CD47: variants seen among roughly 807,000 people sequenced by gnomAD.
CD47 encodes the protein leukocyte surface antigen CD47.
In CD47, 11 loss-of-function variants were observed where a neutral mutation model predicts 44.6. That is an observed-to-expected ratio of 0.25 (90% CI 0.16 to 0.41). The LOEUF is 0.41. Among genes scored for constraint, CD47 ranks in the 10% least tolerant of loss-of-function variants. The pLI is 1.00. For missense variants in CD47, 306 were observed against 386.7 expected (o/e 0.79, Z 1.75); for synonymous variants, 140 against 136.3 (o/e 1.03, Z -0.19).
Position 108,046,719 on chromosome 3 carries a change from T to C in CD47, c.*569A>G, listed in dbSNP as rs1204125494. 1 of 152,222 alleles carries C rather than the reference T, an allele frequency of 6.6e-6. No homozygotes were observed. Among genetic ancestry groups the C allele is most frequent in the East Asian group, 1.9e-4 (1 of 5,202 alleles). 9.4% of individuals were successfully genotyped at this position (152,222 alleles called of 1,614,324 possible). A position where few individuals can be genotyped will look rare whatever the true frequency, so the allele number is the denominator to read the frequency against. On this transcript the variant is annotated 3_prime_UTR_variant, in exon 11 of 11. Coordinates refer to ENST00000361309, the MANE Select transcript of CD47 (RefSeq NM_001777.4). Reference sequence around the variant, plus strand: ...CACTATCTCCATCAATATCACATCATACGGAGATCATACAAGATGCTCCCA... The same window carrying C: ...CACTATCTCCATCAATATCACATCACACGGAGATCATACAAGATGCTCCCA...
chr3:108,077,939 G>A (rs2079339645), intron 2 of CD47, among the ~76,000 whole-genome samples: 1 of 152,080 alleles, frequency 6.6e-6, no homozygotes, highest in Admixed American at 6.5e-5. Context: ...ATAAGCATGA[G>A]GGAGATGTTT....
intron 3 of CD47, among the ~76,000 whole-genome samples, chr3:108,064,246 C>T (rs547997940): frequency 1.3e-5 from 2 of 152,268 alleles, no homozygotes; most frequent in African/African-American, 2.4e-5. Context: ...CCCTTACATT[C>T]TAATGGGTGA....
intron 2 of CD47, among the ~76,000 whole-genome samples, chr3:108,072,507 CAT>C (rs1275762262): frequency 2.0e-5 from 3 of 152,204 alleles, no homozygotes; most frequent in African/African-American, 7.2e-5. Context: ...GTAGAGACTC[CAT>C]ATGTTTGCTG....
chr3:108,090,909 C>T lies in CD47; in HGVS notation c.-1G>A. 1 of 1,475,672 alleles carries T rather than the reference C, an allele frequency of 6.8e-7. No individual in the cohort carries two copies. Among genetic ancestry groups the T allele is most frequent in the East Asian group, 2.9e-5 (1 of 34,260 alleles). The allele number at this position is 1,475,672 out of a possible 1,614,324, so 91.4% of individuals were successfully genotyped here. The stretch of plus-strand genomic sequence containing the variant: ...ACAGCGCCGCTACCAGGGGCCACAT[C>T]TCCGCGCCCGCCGCGGGGTCGCCGC... On this transcript the variant is annotated 5_prime_UTR_variant, in exon 1 of 11. Coordinates refer to ENST00000361309, the MANE Select transcript of CD47 (RefSeq NM_001777.4).
At chr3:108,077,025 T>C (rs1019384131) in intron 2 of CD47, among the ~76,000 whole-genome samples, 7 of 152,140 alleles carry the variant, frequency 4.6e-5, no homozygotes, top group South Asian at 2.1e-4. Context: ...ATATCATACA[T>C]AGGCACAGAG....
chr3:108,061,824 A>G (rs2079020540), intron 3 of CD47, among the ~76,000 whole-genome samples: 1 of 152,228 alleles, frequency 6.6e-6, no homozygotes, highest in Non-Finnish European at 1.5e-5. Flanking sequence ...AGTCTCCATG[A>G]CAGTAATCAA....
chr3:108,081,496 A>T (rs1256306038), intron 1 of CD47, among the ~76,000 whole-genome samples: 1 of 152,046 alleles, frequency 6.6e-6, no homozygotes, highest in Non-Finnish European at 1.5e-5. Context: ...TATTGTAAGA[A>T]CACTATGTTT....
rs2078712141 is a variant in CD47, at chr3:108,045,761, T to C, written c.*1527A>G. 1 of 152,460 alleles carries C rather than the reference T, an allele frequency of 6.6e-6. No individual in the cohort carries two copies. The highest frequency in any genetic ancestry group is 1.5e-5 in the Non-Finnish European group (1 of 68,020). The allele number at this position is 152,460 out of a possible 1,614,324, so 9.4% of individuals were successfully genotyped here. ...ATTAATGCAACTACAAATATGAATATCTTATTACACAAACAGGAAGAATTA... is the reference window on the plus strand; with the variant it reads ...ATTAATGCAACTACAAATATGAATACCTTATTACACAAACAGGAAGAATTA... On this transcript the variant is annotated 3_prime_UTR_variant, in exon 11 of 11. Transcript: ENST00000361309.
chr3:108,056,951 G>A, intron 7 of CD47, among the ~76,000 whole-genome samples: 1 of 152,076 alleles, frequency 6.6e-6, no homozygotes, highest in Non-Finnish European at 1.5e-5. Context: ...TCATGCATTA[G>A]AGGTCACTGC....
intron 8 of CD47, among the ~76,000 whole-genome samples, chr3:108,051,057 T>C (rs1467870610): frequency 1.3e-5 from 2 of 152,220 alleles, no homozygotes; most frequent in Non-Finnish European, 2.9e-5. Context: ...GTGACCAACA[T>C]AGCTATGGCA....
chr3:108,050,546 G>A (rs1191845599), intron 9 of CD47, 32 bp downstream of exon 9: 1 of 1,090,758 alleles, frequency 9.2e-7, no homozygotes, highest in Non-Finnish European at 1.4e-6. Flanking sequence ...ATTATGATCT[G>A]GTAAAGGATT....
At chr3:108,081,930 A>C (rs550112329) in intron 1 of CD47, among the ~76,000 whole-genome samples, 1 of 152,022 alleles carries the variant, frequency 6.6e-6, no homozygotes, top group East Asian at 1.9e-4. Context: ...ACCTCTTCCC[A>C]GTTTTCTACA....
At chr3:108,057,626 A>G in intron 6 of CD47, 57 bp from the exon 7 acceptor site, 3 of 869,792 alleles carry the variant, frequency 3.4e-6, no homozygotes, top group Non-Finnish European at 5.7e-6. Flanking sequence ...CTTACTAAAA[A>G]ACAGTAATAA....
rs115840296 is a variant in CD47 at position 108,079,932 on chromosome 3, G to A, written c.400+59C>T. 3,101 of 1,177,888 alleles carry A rather than the reference G, an allele frequency of 2.6e-3. 55 individuals are homozygous for A. In the African/African-American group the frequency reaches 0.04, roughly 15 times the overall value. The allele number at this position is 1,177,888 out of a possible 1,614,324, so 73.0% of individuals were successfully genotyped here. ...ACCTATCCCCATTTGGCCTCCTCTC[G>A]AAAGAGGATCAGGTTGCACCAGGAC... On this transcript the variant is annotated intron_variant, in intron 2 of 10. Transcript: ENST00000361309.
At chr3:108,058,293 T>A in intron 6 of CD47, 44 bp downstream of exon 6, 2 of 1,131,578 alleles carry the variant, frequency 1.8e-6, no homozygotes. Context: ...AAGAGCTCTG[T>A]CCAAAAGTAA....
intron 1 of CD47, among the ~76,000 whole-genome samples, chr3:108,086,675 A>G (rs2079527875): frequency 6.6e-6 from 1 of 152,180 alleles, no homozygotes; most frequent in African/African-American, 2.4e-5. Context: ...GAAAGCAGAG[A>G]AGGCAACAAC....
Position 108,082,719 on chromosome 3 carries a change from CAT to C in CD47, c.47-2377_47-2376del, listed in dbSNP as rs370871592. On this transcript the variant is annotated intron_variant, in intron 1 of 10. Coordinates refer to ENST00000361309, the MANE Select transcript of CD47 (RefSeq NM_001777.4). The stretch of plus-strand genomic sequence containing the variant: ...TGGTGAACAATCCACCATTTCATAA[CAT>C]ATGTTTAGAGAATGAATTTTCAAAG... Among the ~76,000 whole-genome samples the C allele has an allele frequency of 5.3e-3, 807 of 151,996 alleles. 9 individuals are homozygous for C. The highest frequency in any genetic ancestry group is 0.018 in the African/African-American group (766 of 41,480).
chr3:108,082,610 T>G (rs1273762530), intron 1 of CD47, among the ~76,000 whole-genome samples: 1 of 151,860 alleles, frequency 6.6e-6, no homozygotes, highest in African/African-American at 2.4e-5. Flanking sequence ...GAGATTATTC[T>G]TAAAAAAAAG....
chr3:108,057,130 C>T (rs915916835), intron 7 of CD47, among the ~76,000 whole-genome samples: 6 of 152,162 alleles, frequency 3.9e-5, no homozygotes, highest in Non-Finnish European at 7.4e-5. Context: ...AATGGATCCT[C>T]AAAGATCTCT....
Sources: allele counts gnomAD v4.1 joint callset (sites outside exome capture counted in the v4.1 genomes callset), GRCh38; gene constraint gnomAD v4.1.1; transcripts MANE v1.5; gene names NCBI Gene and HGNC (gene_info 2026-07-23, HGNC 2026-07-21).